The following SPAG16 variants were observed in gnomAD, a reference collection of about 807,000 sequenced individuals.
The protein encoded by SPAG16 is sperm associated antigen 16, also known as sperm-associated antigen 16 protein.
A neutral mutation model predicts 80.4 loss-of-function variants in SPAG16; 86 were observed. The ratio of observed to expected loss-of-function variants is 1.07; its 90% confidence interval spans 0.90 to 1.28. The LOEUF is 1.28. SPAG16 is among the 50% of genes most tolerant of loss of function. The probability of loss-of-function intolerance (pLI) is 0.00; values close to 1 mark genes in which losing one functional copy is unlikely to be tolerated. For synonymous variants in SPAG16, 294 were observed against 265.9 expected (o/e 1.11, Z -1.03); for missense variants, 870 against 765.3 (o/e 1.14, Z -1.61).
At chr2:213,963,405 C>T (rs572627704) in intron 12 of SPAG16, among the ~76,000 whole-genome samples, 17 of 152,168 alleles carry the variant, frequency 1.1e-4, no homozygotes, top group Middle Eastern at 3.4e-3. Context: ...ACGATTTCTA[C>T]GATTTCTACG....
At chr2:214,063,362 G>T (rs1201377004) in intron 13 of SPAG16, among the ~76,000 whole-genome samples, 1 of 152,086 alleles carries the variant, frequency 6.6e-6, no homozygotes, top group Non-Finnish European at 1.5e-5. Flanking sequence ...ATTTTTCATG[G>T]TTCTGGAGGC....
chr2:214,241,840 T>C (rs147563937), intron 15 of SPAG16, among the ~76,000 whole-genome samples: 2,678 of 151,958 alleles, frequency 0.018, 50 homozygotes, highest in African/African-American at 0.042. Flanking sequence ...TCCCTGAGTA[T>C]AAGACAAGGA....
At chr2:213,823,692 G>T (rs1358359909) in intron 10 of SPAG16, among the ~76,000 whole-genome samples, 1 of 152,020 alleles carries the variant, frequency 6.6e-6, no homozygotes, top group Non-Finnish European at 1.5e-5. Flanking sequence ...TATATTTCTT[G>T]GCTGTGTAAA....
intron 15 of SPAG16, among the ~76,000 whole-genome samples, chr2:214,329,039 T>C (rs544128298): frequency 1.3e-5 from 2 of 152,214 alleles, no homozygotes; most frequent in East Asian, 3.8e-4. Context: ...ATGGTTAGAA[T>C]GTAACTTTGT....
intron 9 of SPAG16, among the ~76,000 whole-genome samples, chr2:213,425,015 A>T (rs1033136730): frequency 2.0e-5 from 3 of 152,210 alleles, no homozygotes; most frequent in South Asian, 2.1e-4. Flanking sequence ...ACTCAAAGTA[A>T]GAGTATATAT....
chr2:213,997,831 C>T (rs571334491), intron 12 of SPAG16, among the ~76,000 whole-genome samples: 1 of 152,198 alleles, frequency 6.6e-6, no homozygotes, highest in East Asian at 1.9e-4. Flanking sequence ...CTGCATGCAG[C>T]CCATGGGCCA....
intron 15 of SPAG16, among the ~76,000 whole-genome samples, chr2:214,231,105 C>G (rs538211536): frequency 6.6e-6 from 1 of 151,882 alleles, no homozygotes; most frequent in African/African-American, 2.4e-5. Context: ...GTCGTTGGAT[C>G]CAGACATCGT....
At chr2:214,220,502 T>C (rs1226867838) in intron 15 of SPAG16, among the ~76,000 whole-genome samples, 1 of 152,160 alleles carries the variant, frequency 6.6e-6, no homozygotes, top group African/African-American at 2.4e-5. Context: ...AAGTCACTGC[T>C]ACTCCCCAAC....
chr2:214,058,321 G>A (rs1214802282), intron 13 of SPAG16, among the ~76,000 whole-genome samples: 3 of 152,216 alleles, frequency 2.0e-5, no homozygotes, highest in Admixed American at 1.3e-4. Context: ...TTTCAATGCC[G>A]TTGTCTCTCA....
At chr2:214,338,998 T>G (rs1411178776) in intron 15 of SPAG16, among the ~76,000 whole-genome samples, 1 of 152,238 alleles carries the variant, frequency 6.6e-6, no homozygotes, top group Non-Finnish European at 1.5e-5. Flanking sequence ...AAATGATATT[T>G]CTGCCAACAG....
intron 11 of SPAG16, among the ~76,000 whole-genome samples, chr2:213,878,499 T>C (rs1412616054): frequency 6.6e-6 from 1 of 152,176 alleles, no homozygotes; most frequent in Non-Finnish European, 1.5e-5. Flanking sequence ...TTGGGGCTAT[T>C]GGGAATTTTT....
intron 9 of SPAG16, among the ~76,000 whole-genome samples, chr2:213,477,761 C>T (rs2073494775): frequency 6.6e-6 from 1 of 152,114 alleles, no homozygotes; most frequent in African/African-American, 2.4e-5. Context: ...TGGACTTGGA[C>T]TCTTGAGTTA....
chr2:214,332,604 C>G (rs558151832), intron 15 of SPAG16, among the ~76,000 whole-genome samples: 2 of 152,142 alleles, frequency 1.3e-5, no homozygotes, highest in African/African-American at 4.8e-5. Context: ...ACCTCAGAAG[C>G]ATTAGGGAAA....
At chr2:213,701,299 C>T (rs2125324958) in intron 10 of SPAG16, among the ~76,000 whole-genome samples, 1 of 152,308 alleles carries the variant, frequency 6.6e-6, no homozygotes, top group South Asian at 2.1e-4. Flanking sequence ...ATACTACAGT[C>T]TGTAAGGACG....
intron 15 of SPAG16, among the ~76,000 whole-genome samples, chr2:214,357,118 C>A (rs1159680377): frequency 1.3e-5 from 2 of 151,896 alleles, no homozygotes; most frequent in Non-Finnish European, 2.9e-5. Context: ...CTAATAGTCA[C>A]CCCTTGAATG....
chr2:214,326,893 C>T (rs1420630106), intron 15 of SPAG16, among the ~76,000 whole-genome samples: 3 of 139,532 alleles, frequency 2.2e-5, no homozygotes, highest in Non-Finnish European at 3.0e-5. Context: ...TGCAGTGAGC[C>T]GAGATTGCAC....
At chr2:214,076,741 T>C (rs886744663) in intron 13 of SPAG16, among the ~76,000 whole-genome samples, 2 of 152,170 alleles carry the variant, frequency 1.3e-5, no homozygotes, top group African/African-American at 4.8e-5. Context: ...TTAACCACAA[T>C]GGCATATGAG....
intron 5 of SPAG16, among the ~76,000 whole-genome samples, chr2:213,324,446 A>G (rs2063759293): frequency 6.6e-6 from 1 of 152,142 alleles, no homozygotes; most frequent in African/African-American, 2.4e-5. Context: ...TGTCCCAGCA[A>G]TCACTTTTAA....
intron 12 of SPAG16, among the ~76,000 whole-genome samples, chr2:213,946,991 T>G (rs1575618614): frequency 6.6e-6 from 1 of 152,270 alleles, no homozygotes; most frequent in Middle Eastern, 3.4e-3. Context: ...TTTAGCATAA[T>G]GCCCTTGAGA....
Sources: allele counts gnomAD v4.1 joint callset (sites outside exome capture counted in the v4.1 genomes callset), GRCh38; gene constraint gnomAD v4.1.1; transcripts MANE v1.5; gene names NCBI Gene and HGNC (gene_info 2026-07-23, HGNC 2026-07-21).